The following SPICE1 variants were observed in gnomAD, a reference collection of about 807,000 sequenced individuals.
SPICE1 encodes spindle and centriole associated protein 1, also known as spindle and centriole-associated protein 1.
In SPICE1, 75 loss-of-function variants were observed where a neutral mutation model predicts 102.7. The ratio of observed to expected loss-of-function variants is 0.73; its 90% confidence interval spans 0.61 to 0.88. The LOEUF is 0.88. SPICE1 is among the 40% of genes least tolerant of loss of function. The pLI, the probability that SPICE1 is intolerant of heterozygous loss-of-function variation, is 0.00. For synonymous variants in SPICE1, 308 were observed against 350.3 expected (o/e 0.88, Z 1.35); for missense variants, 979 against 1,020.1 (o/e 0.96, Z 0.55).
intron 1 of SPICE1, among the ~76,000 whole-genome samples, chr3:113,511,772 C>A (rs527981569): frequency 6.6e-6 from 1 of 151,720 alleles, no homozygotes; most frequent in East Asian, 1.9e-4. Flanking sequence ...GAACTTGAAA[C>A]AAAATTTAAA....
intron 2 of SPICE1, among the ~76,000 whole-genome samples, chr3:113,503,467 GCAGT>G (rs1300850628): frequency 6.6e-6 from 1 of 151,982 alleles, no homozygotes; most frequent in Non-Finnish European, 1.5e-5. Context: ...TATTCACCAA[GCAGT>G]CATACACTAT....
chr3:113,499,702 G>A, intron 3 of SPICE1, 120 bp from the exon 4 acceptor site: 1 of 1,017,046 alleles, frequency 9.8e-7, no homozygotes, highest in Non-Finnish European at 1.3e-6. Flanking sequence ...TCCAATATGT[G>A]CATGTTTATA....
intron 1 of SPICE1, chr3:113,514,481 C>T (rs1040175033): frequency 8.0e-6 from 3 of 374,602 alleles, no homozygotes; most frequent in Non-Finnish European, 1.6e-5. Flanking sequence ...AGACCCTCTC[C>T]CCCATATGGC....
At chr3:113,477,748 G>C (rs1032206102) in intron 7 of SPICE1, among the ~76,000 whole-genome samples, 8 of 144,638 alleles carry the variant, frequency 5.5e-5, no homozygotes, top group Non-Finnish European at 1.2e-4. Context: ...AGAACACATG[G>C]ACACAGGAAG....
chr3:113,473,583 A>C (rs1274946945), intron 7 of SPICE1, among the ~76,000 whole-genome samples: 1 of 152,212 alleles, frequency 6.6e-6, no homozygotes, highest in Admixed American at 6.5e-5. Context: ...CTAACAGCGG[A>C]TCTCTCGGCA....
At chr3:113,513,143 G>A (rs566439640) in intron 1 of SPICE1, among the ~76,000 whole-genome samples, 6 of 152,086 alleles carry the variant, frequency 3.9e-5, no homozygotes, top group African/African-American at 9.6e-5. Flanking sequence ...ACAGTGGCTC[G>A]CATCTGTAAT....
In SPICE1 at chr3:113,450,477, C is replaced by T. The variant is rs752652239; in HGVS notation, c.2182G>A (p.Glu728Lys). 3.1e-6 allele frequency: 5 copies of T among 1,613,586 alleles called. No individual in the cohort carries two copies. Among genetic ancestry groups the T allele is most frequent in the Non-Finnish European group, 8.5e-7 (1 of 1,179,976 alleles). ...CGATTCAATTCTGCAATCCGTTCCTCCATACTACCTGGTGTTAGAGACTGT... is the reference window on the plus strand; with the variant it reads ...CGATTCAATTCTGCAATCCGTTCCTTCATACTACCTGGTGTTAGAGACTGT... ...VAQSLTPGSM[E>K]ERIAELNRQS... Residue 728 changes from glutamate to lysine, a missense_variant, in exon 15 of 18, where the codon GAG becomes AAG. Physicochemically the swap from Glu to Lys is moderately conservative, Grantham distance 56. Transcript: ENST00000295872.
intron 11 of SPICE1, among the ~76,000 whole-genome samples, 196 bp from the exon 12 acceptor site, chr3:113,460,960 A>G (rs1244689574): frequency 6.6e-6 from 1 of 152,202 alleles, no homozygotes; most frequent in Non-Finnish European, 1.5e-5. Context: ...ATTTATAATT[A>G]TAAATATTCT....
intron 1 of SPICE1, among the ~76,000 whole-genome samples, chr3:113,509,365 G>A (rs1355034789): frequency 6.6e-6 from 1 of 152,090 alleles, no homozygotes; most frequent in Non-Finnish European, 1.5e-5. Flanking sequence ...GTCATAAAAT[G>A]TCAGTATACC....
chr3:113,453,675 C>A lies in SPICE1; in HGVS notation c.1933G>T (p.Glu645Ter). The A allele has an allele frequency of 6.2e-7, 1 of 1,614,130 alleles. No individual in the cohort carries two copies. The highest frequency in any genetic ancestry group is 8.5e-7 in the Non-Finnish European group (1 of 1,180,026). Reference protein sequence around the residue: ...TQQSRSPTFSEELPVLGDGQQ... With the variant: ...TQQSRSPTFS ...CCATCTCCCAGTACTGGGAGCTCTT[C>A]TGAGAATGTGGGGCTTCTTGACTGT... is the stretch of plus-strand genomic sequence containing the variant. Residue 645 changes from glutamate to a stop codon, truncating the protein, a stop_gained, in exon 14 of 18, where the codon GAA becomes TAA. Coordinates refer to ENST00000295872, the MANE Select transcript of SPICE1 (RefSeq NM_144718.4). LOFTEE classifies it high-confidence loss of function.
rs1936136040 is a variant in SPICE1 at position 113,469,196 on chromosome 3, A to G, written c.654T>C (p.Ser218=). 6.3e-7 allele frequency: 1 copy of G among 1,597,560 alleles called. No individual in the cohort carries two copies. The highest frequency in any genetic ancestry group is 2.2e-5 in the East Asian group (1 of 44,518). ...TCTGCTGAATGTCAGTCCACAACTT[A>G]CTAATTAACTCAAAATTCTCTTCTG... ...QLTEENFELI[S]KLWTDIQQKI... Residue 218 remains serine (S), a synonymous_variant, in exon 8 of 18, where the codon AGT becomes AGC. Coordinates refer to ENST00000295872, the MANE Select transcript of SPICE1 (RefSeq NM_144718.4).
intron 12 of SPICE1, chr3:113,459,710 C>T (rs974234596): frequency 9.5e-6 from 7 of 735,352 alleles, no homozygotes; most frequent in Non-Finnish European, 1.2e-5. Context: ...GGTGAAACCC[C>T]GTCTCTACTA....
At chr3:113,452,194 C>T (rs1397716971) in intron 14 of SPICE1, among the ~76,000 whole-genome samples, 1 of 152,154 alleles carries the variant, frequency 6.6e-6, no homozygotes, top group African/African-American at 2.4e-5. Context: ...ATTTAACTTA[C>T]AAAACTCCTG....
chr3:113,476,211 G>T (rs533155508), intron 7 of SPICE1, among the ~76,000 whole-genome samples: 6 of 150,388 alleles, frequency 4.0e-5, no homozygotes, highest in African/African-American at 5.0e-5. Context: ...AAAATACCTA[G>T]GAATCCAACT....
chr3:113,460,651 G>A lies in SPICE1; in HGVS notation c.1401C>T (p.Ser467=), dbSNP rs142804428. The A allele has an allele frequency of 9.5e-5, 153 of 1,613,472 alleles. No homozygotes were observed. Among genetic ancestry groups the A allele is most frequent in the African/African-American group, 1.6e-4 (12 of 74,888 alleles). ...CCATAACTCTTCTACCTGTGGCTCC[G>A]CTTTCTGATGCCTGAATTTCTTGTC... ...NNRQEIQASE[S]GATGRRVMDS... The change falls in exon 12 of 18, where the codon AGC becomes AGT. Residue 467 remains serine (S), a synonymous_variant. Transcript: ENST00000295872.
At chr3:113,459,584 GAT>G (rs1424564489) in intron 12 of SPICE1, 2 of 985,258 alleles carry the variant, frequency 2.0e-6, no homozygotes, top group African/African-American at 3.5e-5. Context: ...CCTTGACTGA[GAT>G]ATTAATAGCA....
intron 7 of SPICE1, among the ~76,000 whole-genome samples, chr3:113,473,436 C>T (rs140995719): frequency 0.02 from 2,999 of 152,196 alleles, 54 homozygotes; most frequent in Non-Finnish European, 0.028. Flanking sequence ...ATACAGAGAA[C>T]ACCACAAAGA....
rs141117734 is a variant in SPICE1, at chr3:113,445,393, G to A, written c.2515-33C>T. On this transcript the variant is annotated intron_variant, in intron 17 of 17. Transcript: ENST00000295872. ...ACAAAGACACGGAAAAAATTTAGAT[G>A]GTAATTAGAAACATGAGACTACTCA... The A allele has an allele frequency of 2.2e-4, 351 of 1,587,612 alleles. No individual in the cohort carries two copies. The African/African-American group carries it at 3.8e-3, about 17-fold the overall frequency.
intron 13 of SPICE1, among the ~76,000 whole-genome samples, chr3:113,454,809 C>A (rs1576622850): frequency 6.6e-6 from 1 of 151,946 alleles, no homozygotes; most frequent in Non-Finnish European, 1.5e-5. Context: ...ATAAGTGGAG[C>A]CTTAAAAAGC....
Sources: allele counts gnomAD v4.1 joint callset (sites outside exome capture counted in the v4.1 genomes callset), GRCh38; gene constraint gnomAD v4.1.1; transcripts MANE v1.5; gene names NCBI Gene and HGNC (gene_info 2026-07-23, HGNC 2026-07-21).